The following PDE11A variants were observed in gnomAD, a reference collection of about 807,000 sequenced individuals.
PDE11A encodes the protein dual 3',5'-cyclic-AMP and -GMP phosphodiesterase 11A.
PDE11A carries 100 observed loss-of-function variants against 100.5 expected under a neutral mutation model. The ratio of observed to expected loss-of-function variants is 1.00; its 90% CI spans 0.85 to 1.18. PDE11A has a LOEUF of 1.18. Among genes scored for constraint, PDE11A ranks in the 50% most tolerant of loss-of-function variants. The pLI is 0.00. For synonymous variants in PDE11A, 381 were observed against 420.8 expected, an observed-to-expected ratio of 0.91 and a Z score of 1.16; for missense variants, 1,141 against 1,152.6, an observed-to-expected ratio of 0.99 and a Z score of 0.15.
chr2:177,948,399 T>G (rs1388129309), intron 2 of PDE11A, among the ~76,000 whole-genome samples: 2 of 152,204 alleles, frequency 1.3e-5, no homozygotes, highest in African/African-American at 4.8e-5. Flanking sequence ...ACACTTTTTC[T>G]AATTTATACT....
At chr2:177,669,327 G>C (rs2105487057) in intron 18 of PDE11A, among the ~76,000 whole-genome samples, 166 bp downstream of exon 18, 1 of 152,272 alleles carries the variant, frequency 6.6e-6, no homozygotes, top group Non-Finnish European at 1.5e-5. Context: ...TCAGAAACTT[G>C]GGAATAAGAG....
chr2:177,940,108 G>A (rs368738914), intron 2 of PDE11A, among the ~76,000 whole-genome samples: 37 of 152,138 alleles, frequency 2.4e-4, no homozygotes, highest in African/African-American at 8.9e-4. Flanking sequence ...AGGAGGAATG[G>A]GTAGGAGTGG....
chr2:177,636,658 A>C (rs1034170528), intron 19 of PDE11A, among the ~76,000 whole-genome samples: 64 of 152,202 alleles, frequency 4.2e-4, no homozygotes, highest in Non-Finnish European at 1.8e-4. Context: ...TGGTAAGTGA[A>C]GAACTGAAAC....
At chr2:178,098,667 C>A (rs2087524878) in intron 2 of PDE11A, among the ~76,000 whole-genome samples, 1 of 151,802 alleles carries the variant, frequency 6.6e-6, no homozygotes, top group African/African-American at 2.4e-5. Context: ...GGTAGAGGGA[C>A]AGGAATAGGA....
intron 15 of PDE11A, among the ~76,000 whole-genome samples, chr2:177,695,504 C>G (rs2081098509): frequency 6.6e-6 from 1 of 152,082 alleles, no homozygotes; most frequent in Non-Finnish European, 1.5e-5. Flanking sequence ...ATCTGACAAC[C>G]CTGGGTGTAT....
intron 5 of PDE11A, among the ~76,000 whole-genome samples, chr2:177,866,200 A>G (rs1040432414): frequency 6.6e-6 from 1 of 151,884 alleles, no homozygotes; most frequent in African/African-American, 2.4e-5. Flanking sequence ...GAACCTCATC[A>G]GGAAGTATAG....
chr2:177,660,795 T>C (rs2080475017), intron 19 of PDE11A, among the ~76,000 whole-genome samples: 1 of 152,198 alleles, frequency 6.6e-6, no homozygotes, highest in South Asian at 2.1e-4. Context: ...AAGTGCTTTA[T>C]CTATTTGATA....
At chr2:177,931,738 G>A (rs887192376) in intron 2 of PDE11A, among the ~76,000 whole-genome samples, 29 of 151,540 alleles carry the variant, frequency 1.9e-4, no homozygotes, top group African/African-American at 7.0e-4. Context: ...ACACCTAGAG[G>A]AACTAAAAAA....
intron 2 of PDE11A, among the ~76,000 whole-genome samples, chr2:177,982,061 A>G (rs192975071): frequency 1.5e-4 from 22 of 151,112 alleles, no homozygotes; most frequent in Admixed American, 1.3e-3. Context: ...CTTACTTTGA[A>G]TGGTGTGCTA....
chr2:178,064,439 C>T (rs1350289198), intron 1 of PDE11A, among the ~76,000 whole-genome samples: 1 of 152,118 alleles, frequency 6.6e-6, no homozygotes, highest in East Asian at 1.9e-4. Flanking sequence ...CCTCACTTAC[C>T]AACGGAGTCA....
chr2:177,790,742 C>T (rs1480205168), intron 9 of PDE11A, among the ~76,000 whole-genome samples: 1 of 152,194 alleles, frequency 6.6e-6, no homozygotes, highest in Non-Finnish European at 1.5e-5. Flanking sequence ...TATGAACAGA[C>T]ACTTCTCAAA....
intron 10 of PDE11A, among the ~76,000 whole-genome samples, chr2:177,762,566 C>T (rs141403357): frequency 1.5e-3 from 231 of 152,216 alleles, no homozygotes; most frequent in African/African-American, 5.1e-3. Flanking sequence ...TTGTTCCTAG[C>T]GCTCTGAAAC....
At chr2:177,835,728 T>C (rs942506421) in intron 6 of PDE11A, among the ~76,000 whole-genome samples, 2 of 152,146 alleles carry the variant, frequency 1.3e-5, no homozygotes, top group African/African-American at 4.8e-5. Flanking sequence ...CCACCACAAG[T>C]TCTGGGTGGG....
chr2:178,045,152 A>G (rs2086734114), intron 1 of PDE11A, among the ~76,000 whole-genome samples: 1 of 152,152 alleles, frequency 6.6e-6, no homozygotes, highest in Non-Finnish European at 1.5e-5. Flanking sequence ...GTTTTTTCTC[A>G]GAGACAAATT....
At chr2:177,953,402 C>T (rs984902813) in intron 2 of PDE11A, 1 of 152,082 alleles carries the variant, frequency 6.6e-6, no homozygotes, top group African/African-American at 2.4e-5. Context: ...TGAGAAATCC[C>T]TTAGCCAGAA....
At position 178,049,467 on chromosome 2, in the gene PDE11A, C is replaced by T. The variant is rs967968531; in HGVS notation, c.912+22059G>A. 6.6e-5 allele frequency among the ~76,000 whole-genome samples: 10 copies of T among 152,262 alleles called. No homozygotes were observed. In the South Asian group the frequency reaches 8.3e-4, roughly 13 times the overall value. On this transcript the variant is annotated intron_variant, in intron 1 of 19. Transcript: ENST00000286063. ...ATTTCTGCATTTCCAACTGAGGTAC[C>T]GGGTTCATCTCACTGGGGCTTGTCT...
chr2:177,791,373 T>C (rs1209740745), intron 9 of PDE11A, among the ~76,000 whole-genome samples: 2 of 118,886 alleles, frequency 1.7e-5, no homozygotes, highest in Non-Finnish European at 3.3e-5. Context: ...AACATCACAC[T>C]CTGGGGACTG....
intron 2 of PDE11A, among the ~76,000 whole-genome samples, chr2:178,084,326 A>T (rs900762092): frequency 6.6e-6 from 1 of 152,208 alleles, no homozygotes; most frequent in Admixed American, 6.5e-5. Context: ...AGGTTCTTGG[A>T]TATAATTGGG....
At chr2:177,942,472 G>A (rs1044094142) in intron 2 of PDE11A, among the ~76,000 whole-genome samples, 7 of 149,574 alleles carry the variant, frequency 4.7e-5, no homozygotes, top group South Asian at 4.2e-4. Context: ...GCGTGATCTC[G>A]GCTCACCGCA....
Sources: allele counts gnomAD v4.1 joint callset (sites outside exome capture counted in the v4.1 genomes callset), GRCh38; gene constraint gnomAD v4.1.1; transcripts MANE v1.5; gene names NCBI Gene and HGNC (gene_info 2026-07-23, HGNC 2026-07-21).